CEP85L: variants seen among roughly 807,000 people sequenced by gnomAD.
CEP85L encodes the protein centrosomal protein 85L, also known as centrosomal protein of 85 kDa-like.
In CEP85L, 60 loss-of-function variants were observed where a neutral mutation model predicts 100.3. The ratio of observed to expected loss-of-function variants is 0.60; its 90% CI spans 0.49 to 0.74. The LOEUF (loss-of-function observed/expected upper bound fraction) is 0.74. Among genes scored for constraint, CEP85L ranks in the 30% least tolerant of loss-of-function variants. The pLI is 0.00. For missense variants in CEP85L, 973 were observed against 936.2 expected (o/e 1.04, Z -0.51); for synonymous variants, 319 against 322.7 (o/e 0.99, Z 0.12).
chr6:118,630,458 T>C (rs924887843), intron 2 of CEP85L, among the ~76,000 whole-genome samples: 1 of 152,196 alleles, frequency 6.6e-6, no homozygotes, highest in Non-Finnish European at 1.5e-5. Context: ...AGTTGAAAGC[T>C]GACATCCACA....
chr6:118,514,600 G>A (rs747531135), intron 4 of CEP85L, among the ~76,000 whole-genome samples: 18 of 151,134 alleles, frequency 1.2e-4, no homozygotes, highest in Non-Finnish European at 2.7e-4. Context: ...ATCACAACAT[G>A]TAAATGGTTT....
At chr6:118,674,050 A>G (rs1488090269) in intron 1 of CEP85L, among the ~76,000 whole-genome samples, 1 of 152,236 alleles carries the variant, frequency 6.6e-6, no homozygotes, top group Non-Finnish European at 1.5e-5. Flanking sequence ...AGCTAAAACT[A>G]TAAAATTCTT....
chr6:118,667,328 G>A (rs969787777), intron 1 of CEP85L, among the ~76,000 whole-genome samples: 3 of 152,190 alleles, frequency 2.0e-5, no homozygotes, highest in Non-Finnish European at 2.9e-5. Flanking sequence ...TACACTCTAA[G>A]TGCTGCTCTA....
intron 5 of CEP85L, among the ~76,000 whole-genome samples, chr6:118,499,669 A>T (rs544112638): frequency 6.6e-6 from 1 of 152,302 alleles, no homozygotes; most frequent in African/African-American, 2.4e-5. Flanking sequence ...GTCTCAAAAA[A>T]AACAAAAAAC....
In CEP85L at chr6:118,511,549, AC is replaced by A. The variant is rs567226251; in HGVS notation, c.1140-135del. 3.5e-5 allele frequency: 20 copies of A among 574,652 alleles called. No individual in the cohort carries two copies. In the South Asian group the frequency reaches 4.9e-4, roughly 14 times the overall value. The allele number at this position is 574,652 out of a possible 1,614,324, so 35.6% of individuals were successfully genotyped here. A position where few individuals can be genotyped will look rare whatever the true frequency, so the allele number is the denominator to read the frequency against. On this transcript the variant is annotated intron_variant, in intron 4 of 12. Transcript: ENST00000368491. Reference sequence around the variant, plus strand: ...TAACAGTCACACCTTGCTTTCTTCAACAACTCATAGCTTGCTTTAAGCAAGT... The same window carrying A: ...TAACAGTCACACCTTGCTTTCTTCAAAACTCATAGCTTGCTTTAAGCAAGT...
intron 3 of CEP85L, among the ~76,000 whole-genome samples, chr6:118,561,005 A>G (rs1779191654): frequency 1.3e-5 from 2 of 152,234 alleles, no homozygotes; most frequent in Admixed American, 1.3e-4. Context: ...AATATGTAAC[A>G]TCAATATTGA....
intron 2 of CEP85L, among the ~76,000 whole-genome samples, chr6:118,628,585 A>G (rs1025220547): frequency 6.6e-6 from 1 of 152,112 alleles, no homozygotes; most frequent in African/African-American, 2.4e-5. Flanking sequence ...CAGCCAGCCA[A>G]GATCACACCA....
intron 2 of CEP85L, among the ~76,000 whole-genome samples, chr6:118,567,243 GTGTGTGTA>G (rs1253346492): frequency 5.1e-4 from 16 of 31,362 alleles, no homozygotes; most frequent in African/African-American, 1.5e-3. Context: ...GTGTGTGTGT[GTGTGTGTA>G]TATATATATA....
intron 3 of CEP85L, among the ~76,000 whole-genome samples, chr6:118,564,747 T>G (rs1350745136): frequency 1.3e-5 from 2 of 152,194 alleles, no homozygotes; most frequent in African/African-American, 4.8e-5. Context: ...TTTTATAGAA[T>G]TAATTTGTTT....
chr6:118,609,909 G>C (rs1583161854), intron 2 of CEP85L, among the ~76,000 whole-genome samples: 1 of 152,010 alleles, frequency 6.6e-6, no homozygotes, highest in Admixed American at 6.6e-5. Context: ...AATAAAGCAG[G>C]GGGCACAAAA....
chr6:118,633,109 A>G (rs1002230619), intron 1 of CEP85L, among the ~76,000 whole-genome samples: 4 of 152,010 alleles, frequency 2.6e-5, no homozygotes, highest in Non-Finnish European at 5.9e-5. Context: ...ATCACTTAAA[A>G]TTTTTAAATT....
At chr6:118,690,138 A>T (rs533089055) in intron 1 of CEP85L, among the ~76,000 whole-genome samples, 78 of 152,252 alleles carry the variant, frequency 5.1e-4, no homozygotes, top group African/African-American at 1.9e-3. Context: ...CTTATTTAGG[A>T]TGCAGATTCC....
intron 1 of CEP85L, among the ~76,000 whole-genome samples, chr6:118,644,869 C>G (rs528516384): frequency 4.7e-4 from 72 of 152,328 alleles, no homozygotes; most frequent in South Asian, 3.5e-3. Flanking sequence ...CACTCCTCTA[C>G]AATTTCTTCT....
At chr6:118,537,034 G>A (rs1349833064) in intron 3 of CEP85L, among the ~76,000 whole-genome samples, 1 of 151,926 alleles carries the variant, frequency 6.6e-6, no homozygotes, top group African/African-American at 2.4e-5. Context: ...AGAAAACCGA[G>A]GTACTTGTTT....
chr6:118,704,926 T>C (rs1463240472), intron 1 of CEP85L, among the ~76,000 whole-genome samples: 1 of 152,180 alleles, frequency 6.6e-6, no homozygotes, highest in Non-Finnish European at 1.5e-5. Context: ...ATTCACAGGC[T>C]TCCTGTTTCT....
chr6:118,605,227 T>C (rs1013550571), intron 2 of CEP85L, among the ~76,000 whole-genome samples: 1 of 152,202 alleles, frequency 6.6e-6, no homozygotes, highest in Non-Finnish European at 1.5e-5. Flanking sequence ...AGGGAAATAC[T>C]ACAGAAGACA....
At chr6:118,515,190 C>T (rs537219216) in intron 4 of CEP85L, among the ~76,000 whole-genome samples, 2 of 152,088 alleles carry the variant, frequency 1.3e-5, no homozygotes, top group South Asian at 2.1e-4. Flanking sequence ...TTCATTAAGA[C>T]GTCATGACAT....
At chr6:118,508,252 AT>A (rs1186543007) in intron 5 of CEP85L, among the ~76,000 whole-genome samples, 3 of 152,170 alleles carry the variant, frequency 2.0e-5, no homozygotes, top group Non-Finnish European at 4.4e-5. Flanking sequence ...ATAGAAAAAA[AT>A]GATATAAATG....
At chr6:118,662,873 T>C (rs541317877) in intron 1 of CEP85L, among the ~76,000 whole-genome samples, 1 of 152,294 alleles carries the variant, frequency 6.6e-6, no homozygotes, top group East Asian at 1.9e-4. Context: ...CAGTTATATA[T>C]GTAGTATTGA....
Sources: allele counts gnomAD v4.1 joint callset (sites outside exome capture counted in the v4.1 genomes callset), GRCh38; gene constraint gnomAD v4.1.1; transcripts MANE v1.5; gene names NCBI Gene and HGNC (gene_info 2026-07-23, HGNC 2026-07-21).